The following BICC1 variants were observed in gnomAD, a reference collection of about 807,000 sequenced individuals.
The protein encoded by BICC1 is BicC family RNA binding protein 1.
In BICC1, 43 loss-of-function variants were observed where a neutral mutation model predicts 111.0. The ratio of observed to expected loss-of-function variants is 0.39; its 90% confidence interval spans 0.30 to 0.50. The LOEUF is 0.50. BICC1 is among the 20% of genes least tolerant of loss of function. The probability of loss-of-function intolerance (pLI) is 0.88; values close to 1 mark genes in which losing one functional copy is unlikely to be tolerated. For missense variants in BICC1, 1,091 were observed against 1,203.2 expected, an observed-to-expected ratio of 0.91 and a Z score of 1.38; for synonymous variants, 467 against 434.4, an observed-to-expected ratio of 1.07 and a Z score of -0.93.
chr10:58,721,478 C>T (rs1477867934), intron 3 of BICC1, among the ~76,000 whole-genome samples: 2 of 152,170 alleles, frequency 1.3e-5, no homozygotes, highest in Admixed American at 6.5e-5. Context: ...AAAATGACTA[C>T]AGTCATCTCA....
At chr10:58,651,072 C>G (rs1335621097) in intron 2 of BICC1, among the ~76,000 whole-genome samples, 1 of 152,146 alleles carries the variant, frequency 6.6e-6, no homozygotes. Context: ...ATGAGGAATG[C>G]CTGCCCTGAG....
chr10:58,811,279 A>C (rs865907383), intron 17 of BICC1, among the ~76,000 whole-genome samples: 1 of 152,204 alleles, frequency 6.6e-6, no homozygotes, highest in Non-Finnish European at 1.5e-5. Flanking sequence ...CATCTCTTAA[A>C]AGCATGAGTA....
chr10:58,728,777 TAGC>T (rs1270009056), intron 3 of BICC1, among the ~76,000 whole-genome samples: 1 of 152,200 alleles, frequency 6.6e-6, no homozygotes, highest in Non-Finnish European at 1.5e-5. Context: ...AATATTGTGT[TAGC>T]AGGCGTAAAA....
At chr10:58,813,060 G>A (rs1564628489) in intron 17 of BICC1, among the ~76,000 whole-genome samples, 1 of 152,100 alleles carries the variant, frequency 6.6e-6, no homozygotes, top group Admixed American at 6.6e-5. Context: ...CTGTCTTTAT[G>A]CCATTGCAAG....
intron 4 of BICC1, among the ~76,000 whole-genome samples, chr10:58,785,648 A>G (rs1842990166): frequency 6.6e-6 from 1 of 152,166 alleles, no homozygotes; most frequent in South Asian, 2.1e-4. Flanking sequence ...GTGAGAATTT[A>G]TTTTCTTTAA....
At chr10:58,766,966 A>G (rs912419325) in intron 3 of BICC1, among the ~76,000 whole-genome samples, 1 of 151,662 alleles carries the variant, frequency 6.6e-6, no homozygotes, top group African/African-American at 2.4e-5. Context: ...GGTGGCGGAA[A>G]TCACAGCAGA....
rs71006209 is a variant in BICC1, at chr10:58,829,191, A to ATTTTTTTTTTTTTTTTTTTTT, written c.*311_*331dup. On this transcript the variant is annotated 3_prime_UTR_variant, in exon 21 of 21. Coordinates refer to ENST00000373886, the MANE Select transcript of BICC1 (RefSeq NM_001080512.3). ...TACCTATATAACATATGCACTGATG[A>ATTTTTTTTTTTTTTTTTTTTT]TTTTTTTTTTTTTTTTTTTTTTTTT... 2.4e-5 allele frequency: 1 copy of ATTTTTTTTTTTTTTTTTTTTT among 42,388 alleles called. No homozygotes were observed. Among genetic ancestry groups the ATTTTTTTTTTTTTTTTTTTTT allele is most frequent in the Non-Finnish European group, 3.8e-5 (1 of 26,082 alleles). 2.6% of individuals were successfully genotyped at this position (42,388 alleles called of 1,614,324 possible).
chr10:58,522,094 T>G (rs543730574), intron 1 of BICC1, among the ~76,000 whole-genome samples: 1 of 151,990 alleles, frequency 6.6e-6, no homozygotes, highest in Non-Finnish European at 1.5e-5. Flanking sequence ...TTATAACTGG[T>G]ATGTTGTTTA....
chr10:58,788,127 G>C (rs1843065066), intron 5 of BICC1, among the ~76,000 whole-genome samples: 1 of 152,152 alleles, frequency 6.6e-6, no homozygotes, highest in Non-Finnish European at 1.5e-5. Flanking sequence ...GGGGCTTTCA[G>C]TAAGTCCAGT....
intron 9 of BICC1, 152 bp downstream of exon 9, chr10:58,793,767 T>A: frequency 1.2e-6 from 1 of 861,352 alleles, no homozygotes; most frequent in Non-Finnish European, 1.7e-6. Context: ...AAGCTGAATC[T>A]TTTTTAGCAC....
intron 3 of BICC1, among the ~76,000 whole-genome samples, chr10:58,751,796 T>C (rs1014917635): frequency 6.6e-6 from 1 of 152,196 alleles, no homozygotes; most frequent in African/African-American, 2.4e-5. Context: ...ATTTTTAAAG[T>C]GCCTGAAGCA....
At chr10:58,657,388 A>T (rs999766418) in intron 2 of BICC1, among the ~76,000 whole-genome samples, 1 of 152,060 alleles carries the variant, frequency 6.6e-6, no homozygotes, top group Non-Finnish European at 1.5e-5. Context: ...GCTTTTTTGT[A>T]TGTTCCTGAG....
intron 2 of BICC1, among the ~76,000 whole-genome samples, chr10:58,672,707 C>T (rs1447191241): frequency 6.6e-6 from 1 of 152,162 alleles, no homozygotes; most frequent in Non-Finnish European, 1.5e-5. Context: ...GAAATATAGT[C>T]TCACACTCAC....
At chr10:58,742,431 A>AT (rs554670544) in intron 3 of BICC1, among the ~76,000 whole-genome samples, 6,652 of 94,122 alleles carry the variant, frequency 0.071, 105 homozygotes, top group Admixed American at 0.12. Context: ...GTATGCTTTA[A>AT]TTTTTTTTTT....
intron 3 of BICC1, among the ~76,000 whole-genome samples, chr10:58,733,314 T>C (rs1841374627): frequency 6.6e-6 from 1 of 152,346 alleles, no homozygotes; most frequent in Admixed American, 6.5e-5. Context: ...GAAGCGTTTG[T>C]GATTATGTGA....
chr10:58,768,901 A>G (rs1842533477), intron 3 of BICC1, among the ~76,000 whole-genome samples: 1 of 152,126 alleles, frequency 6.6e-6, no homozygotes, highest in Non-Finnish European at 1.5e-5. Context: ...CAACTGCAAA[A>G]CAATCAGAAA....
intron 2 of BICC1, among the ~76,000 whole-genome samples, chr10:58,677,576 T>C (rs546202521): frequency 2.0e-5 from 3 of 152,294 alleles, no homozygotes; most frequent in South Asian, 2.1e-4. Flanking sequence ...GTTTGATTGG[T>C]GTACCTGAAA....
intron 3 of BICC1, among the ~76,000 whole-genome samples, chr10:58,759,548 TG>T (rs1842246674): frequency 6.6e-6 from 1 of 152,190 alleles, no homozygotes; most frequent in Non-Finnish European, 1.5e-5. Flanking sequence ...AGTAAAGGAA[TG>T]AAAATGACTA....
chr10:58,827,111 A>G (rs1844422925), intron 20 of BICC1, among the ~76,000 whole-genome samples: 1 of 152,214 alleles, frequency 6.6e-6, no homozygotes, highest in Non-Finnish European at 1.5e-5. Context: ...AGAGTCGTCA[A>G]ACTAGTTAAC....
Sources: gnomAD v4.1 joint callset for allele counts (sites outside exome capture counted in the v4.1 genomes callset) on GRCh38, gnomAD v4.1.1 for gene constraint, MANE v1.5 for transcripts, NCBI Gene and HGNC (gene_info 2026-07-23, HGNC 2026-07-21) for gene names.